The following NRG1 variants were observed in gnomAD, a reference collection of about 807,000 sequenced individuals.
The protein encoded by NRG1 is neuregulin 1.
Under a neutral mutation model 63.8 loss-of-function variants are expected in NRG1, and 18 were observed. That is an observed-to-expected ratio of 0.28 (90% CI 0.19 to 0.42). The LOEUF (loss-of-function observed/expected upper bound fraction) is 0.42. NRG1 is among the 10% of genes least tolerant of loss of function. The pLI, the probability that NRG1 is intolerant of heterozygous loss-of-function variation, is 1.00. For missense variants in NRG1, 762 were observed against 814.7 expected, an observed-to-expected ratio of 0.94 and a Z score of 0.79; for synonymous variants, 302 against 301.3, an observed-to-expected ratio of 1.00 and a Z score of -0.02.
chr8:32,722,724 A>C (rs1820959904), intron 5 of NRG1, among the ~76,000 whole-genome samples: 2 of 152,326 alleles, frequency 1.3e-5, no homozygotes, highest in Middle Eastern at 3.4e-3. Context: ...TGTAATTTGG[A>C]AATTCAGTCA....
chr8:31,680,709 T>G (rs1808247573), intron 1 of NRG1, among the ~76,000 whole-genome samples: 1 of 151,974 alleles, frequency 6.6e-6, no homozygotes, highest in African/African-American at 2.4e-5. Context: ...CCCTGAGGAA[T>G]CGCCACACTG....
intron 1 of NRG1, among the ~76,000 whole-genome samples, chr8:32,460,786 C>T (rs1315163731): frequency 6.6e-6 from 1 of 152,166 alleles, no homozygotes; most frequent in Non-Finnish European, 1.5e-5. Context: ...ATACAAAATA[C>T]ATCCTATTTT....
chr8:32,336,306 C>T (rs573344301), intron 1 of NRG1, among the ~76,000 whole-genome samples: 3 of 152,204 alleles, frequency 2.0e-5, no homozygotes, highest in Non-Finnish European at 2.9e-5. Flanking sequence ...CATTTCCAGC[C>T]GTGATGAGTG....
At chr8:32,202,671 G>T (rs1843611764) in intron 1 of NRG1, among the ~76,000 whole-genome samples, 1 of 151,790 alleles carries the variant, frequency 6.6e-6, no homozygotes, top group South Asian at 2.1e-4. Flanking sequence ...ACGGGAGAGG[G>T]GACGGAGTGG....
chr8:32,624,255 C>T (rs1848813929), intron 5 of NRG1, among the ~76,000 whole-genome samples: 1 of 152,160 alleles, frequency 6.6e-6, no homozygotes, highest in Non-Finnish European at 1.5e-5. Context: ...CCCTAAAATA[C>T]TGCATCCAGG....
intron 5 of NRG1, among the ~76,000 whole-genome samples, chr8:32,690,613 T>C (rs1811344194): frequency 6.6e-6 from 1 of 152,174 alleles, no homozygotes; most frequent in South Asian, 2.1e-4. Flanking sequence ...AGTGATAGTT[T>C]ATAAAAGCCC....
intron 1 of NRG1, among the ~76,000 whole-genome samples, chr8:32,255,679 G>T (rs1223784331): frequency 6.6e-6 from 1 of 152,086 alleles, no homozygotes; most frequent in Non-Finnish European, 1.5e-5. Flanking sequence ...TCTGACGATT[G>T]TGTGTCTTGG....
chr8:32,424,533 T>G lies in NRG1; in HGVS notation c.38-171295T>G, dbSNP rs368072407. ...GTTCATATTCAAGTGAGTCAGGAGA[T>G]CTGGTTTAAGTTCCAGATCTGCCTC... On this transcript the variant is annotated intron_variant, in intron 1 of 10. Coordinates refer to the NRG1 transcript ENST00000519301. 2.0e-5 allele frequency among the ~76,000 whole-genome samples: 3 copies of G among 152,126 alleles called. No homozygotes were observed. In the South Asian group the frequency reaches 6.2e-4, roughly 32 times the overall value.
chr8:32,189,549 GA>G (rs1842284361), intron 1 of NRG1, among the ~76,000 whole-genome samples: 1 of 152,102 alleles, frequency 6.6e-6, no homozygotes, highest in South Asian at 2.1e-4. Context: ...CTGTAGAATG[GA>G]CATAATAATA....
In NRG1 at chr8:32,542,965, G is replaced by A. The variant is rs115324332; in HGVS notation, c.38-52863G>A. On this transcript the variant is annotated intron_variant, in intron 1 of 10. Transcript: ENST00000519301. ...GGGGATGGGTGGGCCACAGAAAGAAGGTGTCAAAATGATTGTCACAGTAGG... is the reference window on the plus strand; with the variant it reads ...GGGGATGGGTGGGCCACAGAAAGAAAGTGTCAAAATGATTGTCACAGTAGG... Among the ~76,000 whole-genome samples, 1,511 of 152,206 alleles carry A rather than the reference G, an allele frequency of 9.9e-3. 24 individuals carry two copies. Among genetic ancestry groups the A allele is most frequent in the African/African-American group, 0.034 (1,431 of 41,514 alleles).
intron 1 of NRG1, among the ~76,000 whole-genome samples, chr8:31,754,698 G>A (rs1460983456): frequency 6.6e-6 from 1 of 152,052 alleles, no homozygotes; most frequent in Non-Finnish European, 1.5e-5. Flanking sequence ...CATCTAAGCA[G>A]CTGGAACCAC....
chr8:31,984,124 C>T (rs1809631039), intron 1 of NRG1, among the ~76,000 whole-genome samples: 1 of 151,974 alleles, frequency 6.6e-6, no homozygotes, highest in Non-Finnish European at 1.5e-5. Context: ...ATATTTCCCT[C>T]TATCTAAAAA....
At chr8:32,592,492 T>G (rs537950609) in intron 1 of NRG1, among the ~76,000 whole-genome samples, 230 of 152,284 alleles carry the variant, frequency 1.5e-3, no homozygotes, top group Non-Finnish European at 2.6e-3. Flanking sequence ...CCTACTTCAG[T>G]TGTTTTATAG....
At chr8:32,014,753 A>G (rs1371364032) in intron 1 of NRG1, among the ~76,000 whole-genome samples, 2 of 149,198 alleles carry the variant, frequency 1.3e-5, no homozygotes, top group African/African-American at 2.5e-5. Context: ...TTAAATCCCA[A>G]CACCTGTGAA....
chr8:32,677,463 C>T (rs1807434354), intron 5 of NRG1, among the ~76,000 whole-genome samples: 1 of 152,008 alleles, frequency 6.6e-6, no homozygotes, highest in South Asian at 2.1e-4. Flanking sequence ...TTGAGACCAG[C>T]CTGAGCAACA....
In NRG1 at chr8:32,754,494, GC is replaced by G. The variant is rs1829314219; in HGVS notation, c.794+22del. 1.2e-6 allele frequency: 2 copies of G among 1,608,844 alleles called. No homozygotes were observed. Among genetic ancestry groups the G allele is most frequent in the Non-Finnish European group, 1.7e-6 (2 of 1,176,480 alleles). On this transcript the variant is annotated intron_variant, in intron 8 of 11. Transcript: ENST00000356819. Reference sequence around the variant, plus strand: ...AACCAAGTAAACCTTCTTTCTCCATGCCTTTCTCTCTCCTTCATGCAGAGAC... The same window carrying G: ...AACCAAGTAAACCTTCTTTCTCCATGCTTTCTCTCTCCTTCATGCAGAGAC...
chr8:32,509,158 A>G (rs561303546), intron 1 of NRG1, among the ~76,000 whole-genome samples: 5 of 151,770 alleles, frequency 3.3e-5, no homozygotes, highest in African/African-American at 1.2e-4. Context: ...GCTGGAGTAC[A>G]GTGGTGCAAT....
intron 1 of NRG1, among the ~76,000 whole-genome samples, chr8:31,894,395 GTGTTTC>G (rs2129614370): frequency 6.6e-6 from 1 of 152,206 alleles, no homozygotes; most frequent in East Asian, 1.9e-4. Flanking sequence ...TGTCTTTGAA[GTGTTTC>G]TGTTTTAATA....
At chr8:32,260,684 A>G (rs1306243059) in intron 1 of NRG1, among the ~76,000 whole-genome samples, 1 of 152,198 alleles carries the variant, frequency 6.6e-6, no homozygotes, top group Non-Finnish European at 1.5e-5. Context: ...GCTAAATGCT[A>G]AAGTCATGCA....
Sources: gnomAD v4.1 joint callset for allele counts (sites outside exome capture counted in the v4.1 genomes callset) on GRCh38, gnomAD v4.1.1 for gene constraint, MANE v1.5 for transcripts, NCBI Gene and HGNC (gene_info 2026-07-23, HGNC 2026-07-21) for gene names.